Variants in P4HA1 observed in about 807,000 individuals in gnomAD.
P4HA1 encodes the protein prolyl 4-hydroxylase subunit alpha-1.
In P4HA1, 24 loss-of-function variants were observed where a neutral mutation model predicts 72.8. The observed-to-expected ratio is 0.33, with a 90% CI of 0.24 to 0.46. The LOEUF is 0.46. P4HA1 is among the 20% of genes least tolerant of loss of function. P4HA1 has a pLI of 1.00. For missense variants in P4HA1, 446 were observed against 640.6 expected (o/e 0.70, Z 3.28); for synonymous variants, 201 against 218.8 (o/e 0.92, Z 0.72).
chr10:73,055,617 C>T (rs1841125274), intron 5 of P4HA1, among the ~76,000 whole-genome samples: 1 of 152,192 alleles, frequency 6.6e-6, no homozygotes, highest in South Asian at 2.1e-4. Flanking sequence ...TCTTTCAGCA[C>T]TTGTGCTTTT....
intron 6 of P4HA1, among the ~76,000 whole-genome samples, chr10:73,052,633 GT>G (rs944507835): frequency 6.6e-6 from 1 of 152,156 alleles, no homozygotes; most frequent in African/African-American, 2.4e-5. Flanking sequence ...ATTATCCAAA[GT>G]TCATTTTCAG....
At chr10:73,032,615 T>A (rs1363968334) in intron 9 of P4HA1, among the ~76,000 whole-genome samples, 2 of 152,208 alleles carry the variant, frequency 1.3e-5, no homozygotes, top group East Asian at 3.8e-4. Flanking sequence ...CTAAGGCTAG[T>A]GCGTATGCTC....
intron 9 of P4HA1, among the ~76,000 whole-genome samples, chr10:73,033,772 A>G (rs1023271901): frequency 6.6e-6 from 1 of 152,220 alleles, no homozygotes; most frequent in Non-Finnish European, 1.5e-5. Flanking sequence ...AAAATTATAA[A>G]AACTGTGGGA....
intron 1 of P4HA1, among the ~76,000 whole-genome samples, chr10:73,079,913 ATTAACATAACGGT>A (rs1841785133): frequency 6.6e-6 from 1 of 152,162 alleles, no homozygotes; most frequent in South Asian, 2.1e-4. Context: ...TTTCATTCTC[ATTAACATAACGGT>A]TGAGGGATGG....
intron 1 of P4HA1, among the ~76,000 whole-genome samples, chr10:73,086,388 C>T (rs1447140188): frequency 6.6e-6 from 1 of 152,138 alleles, no homozygotes; most frequent in Non-Finnish European, 1.5e-5. Flanking sequence ...ACAAATGAAC[C>T]TTGAAAACAT....
Position 73,008,238 on chromosome 10 carries a change from A to C in P4HA1, c.1589T>G (p.Leu530Trp). The C allele has an allele frequency of 6.2e-7, 1 of 1,606,708 alleles. No homozygotes were observed. Among genetic ancestry groups the C allele is most frequent in the Non-Finnish European group, 8.5e-7 (1 of 1,173,592 alleles). Residue 530 changes from leucine (L) to tryptophan (W), a missense_variant, in exon 15 of 15, where the codon TTG becomes TGG. Leu to Trp is a moderately conservative substitution (Grantham distance 61). Coordinates refer to ENST00000394890, the MANE Select transcript of P4HA1 (RefSeq NM_001017962.3). ...GCCTGTTTGTCATTCCAATTCTGAC[A>C]ACGTACAAGGTCTTCGAAATTCTTG... The part of the protein sequence containing the change: ...RGQEFRRPCT[L>W]SELE
intron 9 of P4HA1, among the ~76,000 whole-genome samples, chr10:73,041,548 C>CAAAA (rs774231072): frequency 2.7e-5 from 3 of 110,340 alleles, no homozygotes; most frequent in African/African-American, 9.6e-5. Context: ...ATCCCCCCCC[C>CAAAA]AAAAAAAAAA....
rs72812267 is a variant in P4HA1 at position 73,071,852 on chromosome 10, A to G, written c.325+177T>C. Among the ~76,000 whole-genome samples the G allele has an allele frequency of 3.9e-3, 591 of 152,336 alleles. 4 individuals are homozygous for G. Among genetic ancestry groups the G allele is most frequent in the Non-Finnish European group, 7.2e-3 (491 of 68,030 alleles). On this transcript the variant is annotated intron_variant, in intron 4 of 14. Coordinates refer to ENST00000394890, the MANE Select transcript of P4HA1 (RefSeq NM_001017962.3). ...CAAAAAAAGAAATTACTTCTTTTTT[A>G]ATCAAAGAATTCAGGATTTTGACTA...
chr10:73,073,689 C>T, intron 3 of P4HA1, 42 bp downstream of exon 3: 1 of 913,830 alleles, frequency 1.1e-6, no homozygotes, highest in Non-Finnish European at 1.8e-6. Context: ...AAGAAAACAT[C>T]CAGGTTGAGT....
chr10:73,079,517 G>C (rs1008946845), intron 1 of P4HA1, among the ~76,000 whole-genome samples: 12 of 152,292 alleles, frequency 7.9e-5, no homozygotes, highest in Middle Eastern at 3.4e-3. Context: ...CAAGGTGGAT[G>C]GATCACCTGA....
rs1840882180 is a variant in P4HA1, at chr10:73,047,064, T to C, written c.938A>G (p.His313Arg). 2 of 1,613,862 alleles carry C rather than the reference T, an allele frequency of 1.2e-6. No individual in the cohort carries two copies. Among genetic ancestry groups the C allele is most frequent in the Non-Finnish European group, 1.7e-6 (2 of 1,179,800 alleles). ...RRQKKLFCRY[H>R]DGNRNPKFIL... The stretch of plus-strand genomic sequence containing the variant: ...AAATTTAGGATTACGGTTTCCATCA[T>C]GGTAGCGGCAAAAGAGTTTTTTCTG... Residue 313 changes from histidine to arginine, a missense_variant, in exon 8 of 15, where the codon CAT becomes CGT. Coordinates refer to ENST00000394890, the MANE Select transcript of P4HA1 (RefSeq NM_001017962.3).
chr10:73,081,058 T>C (rs1209006643), intron 1 of P4HA1, among the ~76,000 whole-genome samples: 1 of 152,168 alleles, frequency 6.6e-6, no homozygotes, highest in Admixed American at 6.5e-5. Context: ...CCAAAAGACA[T>C]TATGACTTTA....
intron 1 of P4HA1, among the ~76,000 whole-genome samples, chr10:73,092,346 C>CTTTTTT (rs1157972087): frequency 5.3e-4 from 59 of 112,338 alleles, no homozygotes; most frequent in Non-Finnish European, 7.5e-4. Context: ...TTTTTCTTTT[C>CTTTTTT]TTTTTTTTTT....
intron 1 of P4HA1, among the ~76,000 whole-genome samples, chr10:73,076,620 G>A (rs188872717): frequency 9.4e-4 from 143 of 152,182 alleles, no homozygotes; most frequent in Non-Finnish European, 1.6e-3. Context: ...CATGGCAGAT[G>A]AGGATATAAA....
chr10:73,019,518 GA>G (rs1840084871), intron 10 of P4HA1, among the ~76,000 whole-genome samples: 1 of 151,898 alleles, frequency 6.6e-6, no homozygotes, highest in Non-Finnish European at 1.5e-5. Context: ...ATAATTCAAT[GA>G]AATCAGGAAA....
Position 73,067,929 on chromosome 10 carries a change from A to G in P4HA1, c.463+917T>C, listed in dbSNP as rs188795339. Among the ~76,000 whole-genome samples the G allele has an allele frequency of 2.0e-3, 309 of 152,306 alleles. 9 individuals are homozygous for G. The highest frequency in any genetic ancestry group is 0.02 in the Admixed American group (304 of 15,286). ...TCATTATGTGTCCCCAGTACCTAAC[A>G]TAATAGCTGGCACATATTAAGTATT... is the stretch of plus-strand genomic sequence containing the variant. On this transcript the variant is annotated intron_variant, in intron 5 of 14. Transcript: ENST00000394890.
intron 10 of P4HA1, among the ~76,000 whole-genome samples, chr10:73,026,652 C>G (rs994739526): frequency 1.6e-4 from 25 of 152,108 alleles, no homozygotes; most frequent in African/African-American, 5.6e-4. Context: ...AAGAAACTAC[C>G]ATCAGAGTGA....
chr10:73,031,480 G>T (rs1234310316), intron 9 of P4HA1, among the ~76,000 whole-genome samples: 2 of 152,160 alleles, frequency 1.3e-5, no homozygotes, highest in African/African-American at 2.4e-5. Flanking sequence ...GTGAGACCCT[G>T]TCTCTACATA....
chr10:73,044,208 A>C (rs1430346698), intron 9 of P4HA1, among the ~76,000 whole-genome samples: 1 of 152,210 alleles, frequency 6.6e-6, no homozygotes, highest in Non-Finnish European at 1.5e-5. Context: ...TAAACAAAAA[A>C]TCATTTGAAG....
Sources: allele counts gnomAD v4.1 joint callset (sites outside exome capture counted in the v4.1 genomes callset), GRCh38; gene constraint gnomAD v4.1.1; transcripts MANE v1.5; gene names NCBI Gene and HGNC (gene_info 2026-07-23, HGNC 2026-07-21).